Variants in AMPH observed in about 807,000 individuals in gnomAD.
The protein encoded by AMPH is amphiphysin, also known as amphiphysin (Stiff-Mann syndrome with breast cancer 128kD autoantigen).
In AMPH, 49 loss-of-function variants were observed where a neutral mutation model predicts 99.1. The observed-to-expected ratio is 0.49, with a 90% CI of 0.39 to 0.63. The LOEUF is 0.63. Ranked by LOEUF, AMPH falls within the 20% of genes least tolerant of loss-of-function variation. AMPH has a pLI of 0.00. For synonymous variants in AMPH, 314 were observed against 317.3 expected, an observed-to-expected ratio of 0.99 and a Z score of 0.11; for missense variants, 759 against 863.4, an observed-to-expected ratio of 0.88 and a Z score of 1.52.
intron 17 of AMPH, among the ~76,000 whole-genome samples, chr7:38,401,687 T>C (rs980905853): frequency 2.6e-5 from 4 of 152,200 alleles, no homozygotes; most frequent in African/African-American, 9.6e-5. Flanking sequence ...TCATTTGTAG[T>C]GCTTTCTTAT....
At chr7:38,461,919 C>T (rs968689323) in intron 10 of AMPH, among the ~76,000 whole-genome samples, 3 of 152,198 alleles carry the variant, frequency 2.0e-5, no homozygotes, top group Non-Finnish European at 2.9e-5. Flanking sequence ...TTCCTTAGTT[C>T]AACTACATAT....
chr7:38,412,430 G>A (rs1785241672), intron 17 of AMPH, among the ~76,000 whole-genome samples: 2 of 152,106 alleles, frequency 1.3e-5, no homozygotes, highest in Admixed American at 1.3e-4. Flanking sequence ...GTTTGAGATG[G>A]GGCTTTGGAA....
chr7:38,503,171 T>G (rs1052020428), intron 3 of AMPH, among the ~76,000 whole-genome samples: 3 of 152,220 alleles, frequency 2.0e-5, no homozygotes, highest in African/African-American at 7.2e-5. Context: ...TCGGTAGGGA[T>G]GCAAGCGCTG....
chr7:38,614,993 T>C (rs1012621019), intron 1 of AMPH, among the ~76,000 whole-genome samples: 2 of 152,132 alleles, frequency 1.3e-5, no homozygotes, highest in Non-Finnish European at 2.9e-5. Context: ...TGTAAAGGCA[T>C]AAAACCTTTT....
Position 38,491,552 on chromosome 7 carries a change from C to A in AMPH, c.301-407G>T, listed in dbSNP as rs547290541. 3.3e-5 allele frequency among the ~76,000 whole-genome samples: 5 copies of A among 152,296 alleles called. No homozygotes were observed. The South Asian group carries it at 1.0e-3, about 32-fold the overall frequency. On this transcript the variant is annotated intron_variant, in intron 4 of 20. Transcript: ENST00000356264. Reference sequence around the variant, plus strand: ...AACAAACAACAAATCATTTCTGAAGCCTCCCCAGGGAAAACAGAAAAGTTA... The same window carrying A: ...AACAAACAACAAATCATTTCTGAAGACTCCCCAGGGAAAACAGAAAAGTTA...
chr7:38,618,405 G>A (rs549580477), intron 1 of AMPH, among the ~76,000 whole-genome samples: 33 of 151,922 alleles, frequency 2.2e-4, no homozygotes, highest in South Asian at 1.3e-3. Context: ...CCAGCTACTC[G>A]GGAGGCTGAG....
At chr7:38,428,479 T>A (rs1346693690) in intron 14 of AMPH, 2 of 456,732 alleles carry the variant, frequency 4.4e-6, no homozygotes. Context: ...ACAGCCTGAT[T>A]TTTATCCCTG....
intron 1 of AMPH, among the ~76,000 whole-genome samples, chr7:38,588,728 G>GA (rs888887381): frequency 6.6e-5 from 10 of 152,104 alleles, no homozygotes; most frequent in African/African-American, 1.9e-4. Flanking sequence ...TAATCGGGGG[G>GA]AAAAAACAGA....
chr7:38,481,671 T>C (rs1788286066), intron 5 of AMPH, among the ~76,000 whole-genome samples: 1 of 152,098 alleles, frequency 6.6e-6, no homozygotes. Flanking sequence ...AAGTTAAACA[T>C]CATCCCCTCA....
At chr7:38,619,412 C>G (rs1393037024) in intron 1 of AMPH, among the ~76,000 whole-genome samples, 1 of 152,134 alleles carries the variant, frequency 6.6e-6, no homozygotes, top group Non-Finnish European at 1.5e-5. Context: ...GATAAACTGA[C>G]AGAGCGGAAG....
intron 16 of AMPH, among the ~76,000 whole-genome samples, chr7:38,420,754 A>G (rs1785554574): frequency 6.6e-6 from 1 of 152,124 alleles, no homozygotes; most frequent in African/African-American, 2.4e-5. Context: ...TGAGAGAACT[A>G]ATTTAGTGAG....
intron 6 of AMPH, among the ~76,000 whole-genome samples, chr7:38,475,775 G>A (rs1788058091): frequency 6.6e-6 from 1 of 152,186 alleles, no homozygotes; most frequent in African/African-American, 2.4e-5. Context: ...ATTACAGGAT[G>A]TATTTACAAA....
At chr7:38,403,088 C>T (rs965189013) in intron 17 of AMPH, among the ~76,000 whole-genome samples, 5 of 151,940 alleles carry the variant, frequency 3.3e-5, no homozygotes, top group African/African-American at 9.7e-5. Flanking sequence ...TGACTGGAGA[C>T]GTCAGAAGCC....
intron 2 of AMPH, among the ~76,000 whole-genome samples, chr7:38,507,164 T>C (rs149076242): frequency 6.6e-6 from 1 of 152,340 alleles, no homozygotes; most frequent in East Asian, 1.9e-4. Context: ...CCAATCCATA[T>C]ACTGGATTCA....
At chr7:38,429,433 G>A in intron 14 of AMPH, 2 of 1,295,300 alleles carry the variant, frequency 1.5e-6, no homozygotes, top group South Asian at 1.2e-5. Flanking sequence ...GTAACTTCTT[G>A]GCTGACCCTG....
intron 2 of AMPH, among the ~76,000 whole-genome samples, chr7:38,520,933 C>T (rs916675395): frequency 6.6e-6 from 1 of 152,200 alleles, no homozygotes; most frequent in African/African-American, 2.4e-5. Flanking sequence ...TCAAATCAGC[C>T]TCCTTAACGG....
intron 11 of AMPH, among the ~76,000 whole-genome samples, chr7:38,441,835 C>CATATATGAT (rs1336300006): frequency 8.3e-6 from 1 of 119,852 alleles, no homozygotes; most frequent in Non-Finnish European, 1.6e-5. Context: ...TCATATATAT[C>CATATATGAT]ATATATCATA....
Position 38,436,272 on chromosome 7 carries a change from C to G in AMPH, c.1134G>C (p.Gln378His). ...CAAACATCCAAAAAGCACCTGATAC[C>G]TGAGACATGGGTGAGTGGGTCACTC... Reference protein sequence around the residue: ...SAGVTHSPMSQTLPWDLWTTS... With the variant: ...SAGVTHSPMSHTLPWDLWTTS... Residue 378 changes from glutamine (Q) to histidine (H), a missense_variant and splice_region_variant, in exon 12 of 21, where the codon CAG (glutamine) becomes CAC (histidine). Physicochemically the swap from Gln to His is conservative, Grantham distance 24. This residue lies in a region of AMPH where 554 missense variants were observed against 575.6 expected (regional missense o/e 0.96). Transcript: ENST00000356264. 1 of 1,612,854 alleles carries G rather than the reference C, an allele frequency of 6.2e-7. No homozygotes were observed. Among genetic ancestry groups the G allele is most frequent in the Non-Finnish European group, 8.5e-7 (1 of 1,178,838 alleles).
rs957751616 is a variant in AMPH, at chr7:38,482,274, C to T, written c.397-5305G>A. Among the ~76,000 whole-genome samples the T allele has an allele frequency of 8.0e-4, 121 of 152,020 alleles. 4 individuals carry two copies. Among genetic ancestry groups the T allele is most frequent in the Admixed American group, 7.9e-3 (121 of 15,238 alleles). ...GCCTCTTTCCATGATACATAGAAAACCTTAACGTATATTTACCTTACCTTC... is the reference window on the plus strand; with the variant it reads ...GCCTCTTTCCATGATACATAGAAAATCTTAACGTATATTTACCTTACCTTC... On this transcript the variant is annotated intron_variant, in intron 5 of 20. Coordinates refer to ENST00000356264, the MANE Select transcript of AMPH (RefSeq NM_001635.4).
Sources: allele counts gnomAD v4.1 joint callset (sites outside exome capture counted in the v4.1 genomes callset), GRCh38; gene constraint gnomAD v4.1.1; regional missense constraint gnomAD v4.1.1; transcripts MANE v1.5; gene names NCBI Gene and HGNC (gene_info 2026-07-23, HGNC 2026-07-21).